PCDH9: variants seen among roughly 807,000 people sequenced by gnomAD.
The protein encoded by PCDH9 is protocadherin 9.
Under a neutral mutation model 70.6 loss-of-function variants are expected in PCDH9, and 24 were observed. The ratio of observed to expected loss-of-function variants is 0.34; its 90% CI spans 0.25 to 0.48. The LOEUF is 0.48. Ranked by LOEUF, PCDH9 falls within the 20% of genes least tolerant of loss-of-function variation. The pLI is 0.99. For synonymous variants in PCDH9, 562 were observed against 558.5 expected (o/e 1.01, Z -0.09); for missense variants, 1,281 against 1,503.6 (o/e 0.85, Z 2.45).
In PCDH9 at chr13:67,225,880, G is replaced by T; in HGVS notation, c.2561C>A (p.Ala854Asp). ...CTCCTGGTTTGGGGACATCCATTCGGCACCTTGCTTGCTCCTCTGAGCTGC... is the reference window on the plus strand; with the variant it reads ...CTCCTGGTTTGGGGACATCCATTCGTCACCTTGCTTGCTCCTCTGAGCTGC... The part of the protein sequence containing the change: ...FKAAQRSKQG[A>D]EWMSPNQENK... Residue 854 changes from alanine (A) to aspartate (D), a missense_variant, in exon 2 of 5, where the codon GCC (alanine) becomes GAC (aspartate). Physicochemically the swap from Ala to Asp is moderately radical, Grantham distance 126. This residue lies in a region of PCDH9 where 207 missense variants were observed against 191.8 expected (regional missense o/e 1.08). Transcript: ENST00000377865. 6.2e-7 allele frequency: 1 copy of T among 1,613,902 alleles called. No homozygotes were observed. Among genetic ancestry groups the T allele is most frequent in the African/African-American group, 1.3e-5 (1 of 74,972 alleles).
chr13:66,361,586 A>G (rs983005370), intron 4 of PCDH9, among the ~76,000 whole-genome samples: 2 of 152,110 alleles, frequency 1.3e-5, no homozygotes, highest in Non-Finnish European at 2.9e-5. Flanking sequence ...GGCAAAAATG[A>G]GATTTCGAAA....
chr13:66,582,385 C>A lies in PCDH9; in HGVS notation c.3340+48825G>T, dbSNP rs1282233337. Among the ~76,000 whole-genome samples, 4 of 152,112 alleles carry A rather than the reference C, an allele frequency of 2.6e-5. No homozygotes were observed. In the East Asian group the frequency reaches 7.7e-4, roughly 29 times the overall value. On this transcript the variant is annotated intron_variant, in intron 4 of 4. Coordinates refer to ENST00000377865, the MANE Select transcript of PCDH9 (RefSeq NM_203487.3). ...CGGGCATGGTGGCCTGTAATCCCAG[C>A]ACTTTGGGAGGTCAAGGCAGGAGGA...
chr13:67,035,087 A>G, intron 2 of PCDH9, among the ~76,000 whole-genome samples: 1 of 152,132 alleles, frequency 6.6e-6, no homozygotes, highest in Non-Finnish European at 1.5e-5. Context: ...ATTGTTATCA[A>G]ATGACTATCA....
intron 2 of PCDH9, among the ~76,000 whole-genome samples, chr13:67,195,396 G>A (rs1265783298): frequency 2.6e-5 from 4 of 152,046 alleles, no homozygotes; most frequent in Non-Finnish European, 4.4e-5. Flanking sequence ...ACCCGCCTCG[G>A]CCTCCCAAAG....
chr13:66,701,660 T>C (rs1198495034), intron 3 of PCDH9, among the ~76,000 whole-genome samples: 1 of 152,192 alleles, frequency 6.6e-6, no homozygotes. Context: ...TGCTGGTGTT[T>C]GTTGTTATTG....
chr13:66,307,710 G>T (rs1054762540), intron 4 of PCDH9, among the ~76,000 whole-genome samples: 1 of 151,890 alleles, frequency 6.6e-6, no homozygotes, highest in Non-Finnish European at 1.5e-5. Flanking sequence ...CATTACATCA[G>T]GTTTTTATTG....
chr13:66,814,783 T>C (rs2080571464), intron 3 of PCDH9, among the ~76,000 whole-genome samples: 1 of 152,094 alleles, frequency 6.6e-6, no homozygotes, highest in African/African-American at 2.4e-5. Flanking sequence ...GACTTAAATG[T>C]AAAACCTAAA....
At chr13:67,095,124 A>C (rs2086294312) in intron 2 of PCDH9, among the ~76,000 whole-genome samples, 1 of 152,124 alleles carries the variant, frequency 6.6e-6, no homozygotes, top group Non-Finnish European at 1.5e-5. Context: ...ACCTTCACTG[A>C]AGCATGAATA....
intron 4 of PCDH9, among the ~76,000 whole-genome samples, chr13:66,429,328 CA>C (rs1332138931): frequency 6.0e-5 from 9 of 150,884 alleles, no homozygotes; most frequent in African/African-American, 2.2e-4. Context: ...AAAGAACAAG[CA>C]GTATAACTAG....
chr13:66,823,345 T>C (rs1199506904), intron 3 of PCDH9, among the ~76,000 whole-genome samples: 2 of 151,826 alleles, frequency 1.3e-5, no homozygotes, highest in Non-Finnish European at 2.9e-5. Context: ...TCTTGAGTCA[T>C]GCGCAATTTT....
intron 2 of PCDH9, among the ~76,000 whole-genome samples, chr13:67,025,772 T>C (rs1428296606): frequency 6.6e-6 from 1 of 152,144 alleles, no homozygotes; most frequent in Non-Finnish European, 1.5e-5. Context: ...GTCAAACGTA[T>C]CAAATTGCAC....
chr13:66,893,954 GT>G (rs2139573847), intron 3 of PCDH9, among the ~76,000 whole-genome samples: 1 of 152,034 alleles, frequency 6.6e-6, no homozygotes, highest in East Asian at 1.9e-4. Context: ...TTTAAACTGT[GT>G]CTTTAGTCCT....
intron 2 of PCDH9, among the ~76,000 whole-genome samples, chr13:67,127,797 C>T (rs1824578422): frequency 6.6e-6 from 1 of 151,662 alleles, no homozygotes; most frequent in South Asian, 2.1e-4. Context: ...ACCAGCAACT[C>T]ATGTCATCTG....
At chr13:66,410,752 C>G (rs1230204859) in intron 4 of PCDH9, among the ~76,000 whole-genome samples, 1 of 152,024 alleles carries the variant, frequency 6.6e-6, no homozygotes, top group African/African-American at 2.4e-5. Context: ...TCTTTTTGTC[C>G]TACAAGTTTA....
intron 2 of PCDH9, among the ~76,000 whole-genome samples, chr13:67,165,194 T>C (rs937237953): frequency 6.6e-6 from 1 of 152,190 alleles, no homozygotes; most frequent in African/African-American, 2.4e-5. Flanking sequence ...TTTTTATTAG[T>C]GAATTGTACT....
intron 4 of PCDH9, among the ~76,000 whole-genome samples, chr13:66,435,466 T>C (rs1193796659): frequency 6.6e-6 from 1 of 152,168 alleles, no homozygotes; most frequent in Non-Finnish European, 1.5e-5. Context: ...GGTAGCACAC[T>C]AATTGCTTTC....
At chr13:67,016,442 T>C (rs2084562996) in intron 2 of PCDH9, among the ~76,000 whole-genome samples, 1 of 152,304 alleles carries the variant, frequency 6.6e-6, no homozygotes, top group African/African-American at 2.4e-5. Flanking sequence ...GCAGGCTATA[T>C]AATTTAAGAG....
intron 3 of PCDH9, among the ~76,000 whole-genome samples, chr13:66,818,972 A>G (rs968404940): frequency 3.9e-5 from 6 of 152,164 alleles, no homozygotes; most frequent in African/African-American, 1.2e-4. Context: ...AAAACAAAAA[A>G]GGTGTGATGA....
chr13:66,730,787 T>A (rs1013301476), intron 3 of PCDH9, among the ~76,000 whole-genome samples: 6 of 150,960 alleles, frequency 4.0e-5, no homozygotes, highest in Admixed American at 2.7e-4. Flanking sequence ...CAAGTGATCC[T>A]CCTGCCTCAG....
Sources: gnomAD v4.1 joint callset for allele counts (sites outside exome capture counted in the v4.1 genomes callset) on GRCh38, gnomAD v4.1.1 for gene constraint, gnomAD v4.1.1 regional missense constraint, MANE v1.5 for transcripts, NCBI Gene and HGNC (gene_info 2026-07-23, HGNC 2026-07-21) for gene names.